The following SUPT3H variants were observed in gnomAD, a reference collection of about 807,000 sequenced individuals.
SUPT3H encodes transcription initiation protein SPT3 homolog.
In SUPT3H, 44 loss-of-function variants were observed where a neutral mutation model predicts 44.3. That is an observed-to-expected ratio of 0.99 (90% CI 0.78 to 1.28). SUPT3H has a LOEUF of 1.28. Among genes scored for constraint, SUPT3H ranks in the 50% most tolerant of loss-of-function variants. SUPT3H has a pLI of 0.00. For missense variants in SUPT3H, 380 were observed against 387.1 expected, an observed-to-expected ratio of 0.98 and a Z score of 0.15; for synonymous variants, 124 against 125.6, an observed-to-expected ratio of 0.99 and a Z score of 0.09.
intron 6 of SUPT3H, among the ~76,000 whole-genome samples, chr6:44,993,564 T>C (rs1293027340): frequency 6.6e-6 from 1 of 152,096 alleles, no homozygotes; most frequent in African/African-American, 2.4e-5. Context: ...TTTGATAGTA[T>C]AAAAAGTCAC....
chr6:44,877,069 T>C (rs904782820), intron 10 of SUPT3H, among the ~76,000 whole-genome samples: 1 of 152,208 alleles, frequency 6.6e-6, no homozygotes, highest in African/African-American at 2.4e-5. Context: ...AAATATCTTA[T>C]CCTATGTCAA....
rs866254449 is a variant in SUPT3H at position 45,051,129 on chromosome 6, T to C, written c.187-30497A>G. Among the ~76,000 whole-genome samples the C allele has an allele frequency of 3.9e-5, 6 of 152,246 alleles. No homozygotes were observed. In the South Asian group the frequency reaches 6.2e-4, roughly 16 times the overall value. On this transcript the variant is annotated intron_variant, in intron 3 of 10. Transcript: ENST00000371459. ...TGGTCTCGAACTCCTGACCTCGTGA[T>C]CCACCCGCCTCGGCCTCCCAAAGTG...
chr6:45,094,247 A>C (rs1370555601), intron 3 of SUPT3H, among the ~76,000 whole-genome samples: 1 of 152,154 alleles, frequency 6.6e-6, no homozygotes, highest in African/African-American at 2.4e-5. Flanking sequence ...ACTTAGCTTA[A>C]GTCAGGGGAT....
At chr6:45,248,591 T>C (rs1368275479) in intron 2 of SUPT3H, among the ~76,000 whole-genome samples, 1 of 152,106 alleles carries the variant, frequency 6.6e-6, no homozygotes. Context: ...AAACTGGCAA[T>C]GCGAAGTGCC....
At chr6:44,817,862 T>C (rs1205073359) in intron 11 of SUPT3H, among the ~76,000 whole-genome samples, 2 of 152,198 alleles carry the variant, frequency 1.3e-5, no homozygotes, top group African/African-American at 2.4e-5. Flanking sequence ...AGCTATATCA[T>C]GTTCATTAAT....
At chr6:45,359,145 T>C (rs560607671) in intron 2 of SUPT3H, among the ~76,000 whole-genome samples, 9 of 152,168 alleles carry the variant, frequency 5.9e-5, no homozygotes, top group Non-Finnish European at 1.0e-4. Flanking sequence ...AGAGAATTGA[T>C]AGTAATATTT....
intron 2 of SUPT3H, among the ~76,000 whole-genome samples, chr6:45,225,278 T>A (rs1255936867): frequency 1.5e-5 from 2 of 132,146 alleles, no homozygotes; most frequent in African/African-American, 5.6e-5. Context: ...AAACTCCATC[T>A]AAAAAAAAAA....
intron 6 of SUPT3H, among the ~76,000 whole-genome samples, chr6:44,972,028 C>A (rs796576674): frequency 2.0e-5 from 3 of 151,986 alleles, no homozygotes; most frequent in African/African-American, 7.3e-5. Flanking sequence ...TCCACCTCGG[C>A]CTCCCAAAGT....
chr6:44,862,392 C>G (rs1317333554), intron 10 of SUPT3H, among the ~76,000 whole-genome samples: 1 of 151,706 alleles, frequency 6.6e-6, no homozygotes, highest in African/African-American at 2.4e-5. Flanking sequence ...AGAAATGATA[C>G]AGGGCCAGGC....
chr6:45,211,909 A>T (rs1764158945), intron 2 of SUPT3H, among the ~76,000 whole-genome samples: 1 of 151,824 alleles, frequency 6.6e-6, no homozygotes, highest in Non-Finnish European at 1.5e-5. Flanking sequence ...CACATGTGTA[A>T]TCCTAGCACT....
At position 44,941,455 on chromosome 6, in the gene SUPT3H, G is replaced by C. The variant is rs149711124; in HGVS notation, c.802-8692C>G. On this transcript the variant is annotated intron_variant, in intron 9 of 10. Coordinates refer to ENST00000371459, the MANE Select transcript of SUPT3H (RefSeq NM_003599.4). ...TTTCTTCTTTCAGTACTTCGAAAAT[G>C]CCATCCCATTATTTCCTAGCCTGCC... Among the ~76,000 whole-genome samples the C allele has an allele frequency of 3.2e-3, 490 of 152,128 alleles. 1 individual carries two copies. The highest frequency in any genetic ancestry group is 0.011 in the African/African-American group (465 of 41,526).
intron 10 of SUPT3H, among the ~76,000 whole-genome samples, chr6:44,928,065 G>T (rs573718895): frequency 1.3e-5 from 2 of 152,066 alleles, no homozygotes; most frequent in Admixed American, 1.3e-4. Flanking sequence ...CCTCACTTTA[G>T]GGATGAGGAA....
chr6:44,881,054 A>T (rs1189650289), intron 10 of SUPT3H, among the ~76,000 whole-genome samples: 1 of 152,164 alleles, frequency 6.6e-6, no homozygotes. Flanking sequence ...CACACATAAT[A>T]ATATTAATGT....
At position 45,281,281 on chromosome 6, in the gene SUPT3H, A is replaced by G. The variant is rs76484347; in HGVS notation, c.101+83920T>C. ...GTGCAGCGCACCAAGCATAAATCGA[A>G]GTAGGGCAAGGCATCGCATCACCCG... On this transcript the variant is annotated intron_variant, in intron 2 of 10. Transcript: ENST00000371459. Among the ~76,000 whole-genome samples, 595 of 152,352 alleles carry G rather than the reference A, an allele frequency of 3.9e-3. 7 individuals carry two copies. The highest frequency in any genetic ancestry group is 0.014 in the African/African-American group (567 of 41,580).
At chr6:44,838,231 G>C (rs641011) in intron 10 of SUPT3H, among the ~76,000 whole-genome samples, 7,200 of 152,252 alleles carry the variant, frequency 0.047, 244 homozygotes, top group South Asian at 0.13. Flanking sequence ...GTGTATGTCT[G>C]TATGAACCTA....
chr6:45,142,767 A>C (rs1399763344), intron 2 of SUPT3H, among the ~76,000 whole-genome samples: 1 of 138,238 alleles, frequency 7.2e-6, no homozygotes, highest in Non-Finnish European at 1.6e-5. Context: ...AAAAAAAAGC[A>C]GAATGGCAGA....
In SUPT3H at chr6:45,150,289, G is replaced by C. The variant is rs536368296; in HGVS notation, c.102-44283C>G. ...AGCATTCAGATATAGCTTAACATAT[G>C]GGTCCCTAAAAATATTACTTGGGAA... is the stretch of plus-strand genomic sequence containing the variant. On this transcript the variant is annotated intron_variant, in intron 2 of 10. Transcript: ENST00000371459. 5.9e-5 allele frequency among the ~76,000 whole-genome samples: 9 copies of C among 151,980 alleles called. No homozygotes were observed. The South Asian group carries it at 1.7e-3, about 28-fold the overall frequency.
chr6:45,050,330 T>A (rs1183214750), intron 3 of SUPT3H, among the ~76,000 whole-genome samples: 3 of 137,632 alleles, frequency 2.2e-5, no homozygotes, highest in Non-Finnish European at 4.8e-5. Context: ...ATACTTCCAT[T>A]TGAAATACCT....
chr6:45,214,306 C>T (rs1764664810), intron 2 of SUPT3H, among the ~76,000 whole-genome samples: 1 of 151,536 alleles, frequency 6.6e-6, no homozygotes, highest in South Asian at 2.1e-4. Context: ...GCAAAAATTG[C>T]CAAATGGGAA....
Sources: gnomAD v4.1 joint callset for allele counts (sites outside exome capture counted in the v4.1 genomes callset) on GRCh38, gnomAD v4.1.1 for gene constraint, MANE v1.5 for transcripts, NCBI Gene and HGNC (gene_info 2026-07-23, HGNC 2026-07-21) for gene names.